Variants in TNR observed in about 807,000 individuals in gnomAD.
TNR encodes tenascin R.
TNR carries 45 observed loss-of-function variants against 150.4 expected under a neutral mutation model. The observed-to-expected ratio is 0.30, with a 90% confidence interval of 0.24 to 0.38. The LOEUF (loss-of-function observed/expected upper bound fraction) is 0.38, where lower values mean the gene tolerates loss of function less well. TNR is among the 10% of genes least tolerant of loss of function. The pLI, the probability that TNR is intolerant of heterozygous loss-of-function variation, is 1.00. For missense variants in TNR, 1,544 were observed against 1,759.1 expected (o/e 0.88, Z 2.19); for synonymous variants, 687 against 678.4 (o/e 1.01, Z -0.20).
intron 1 of TNR, among the ~76,000 whole-genome samples, chr1:175,591,331 A>G (rs1364428383): frequency 1.3e-5 from 2 of 152,280 alleles, no homozygotes; most frequent in East Asian, 1.9e-4. Flanking sequence ...GGTATAAATA[A>G]CAGCAGAAAT....
At chr1:175,405,868 C>A (rs568855583) in intron 3 of TNR, among the ~76,000 whole-genome samples, 1 of 152,290 alleles carries the variant, frequency 6.6e-6, no homozygotes, top group African/African-American at 2.4e-5. Flanking sequence ...TGAAAGAAGA[C>A]AGACATCAAA....
intron 1 of TNR, among the ~76,000 whole-genome samples, chr1:175,732,042 G>A (rs1667656076): frequency 6.6e-6 from 1 of 152,158 alleles, no homozygotes; most frequent in Non-Finnish European, 1.5e-5. Context: ...TGCCTGGGCT[G>A]CCCCTGCATT....
intron 1 of TNR, among the ~76,000 whole-genome samples, chr1:175,652,204 T>C (rs1665022503): frequency 6.7e-6 from 1 of 148,584 alleles, no homozygotes; most frequent in Non-Finnish European, 1.5e-5. Context: ...TATTATATTA[T>C]TCTCTCAAAT....
intron 1 of TNR, among the ~76,000 whole-genome samples, chr1:175,693,454 C>T (rs1009964363): frequency 3.9e-5 from 6 of 152,222 alleles, no homozygotes; most frequent in Non-Finnish European, 8.8e-5. Flanking sequence ...CCTAGAGCCC[C>T]GTCTCCATTG....
intron 2 of TNR, among the ~76,000 whole-genome samples, chr1:175,469,255 G>T (rs182202596): frequency 6.6e-6 from 1 of 152,250 alleles, no homozygotes; most frequent in East Asian, 1.9e-4. Context: ...CCCAGCCTCT[G>T]CCTTGAAGAA....
At position 175,685,330 on chromosome 1, in the gene TNR, C is replaced by T. The variant is rs139029327; in HGVS notation, c.-165+57896G>A. 3.6e-4 allele frequency among the ~76,000 whole-genome samples: 55 copies of T among 152,314 alleles called. No individual in the cohort carries two copies. In the East Asian group the frequency reaches 9.8e-3, roughly 27 times the overall value. On this transcript the variant is annotated intron_variant, in intron 1 of 22. Transcript: ENST00000367674. Reference sequence around the variant, plus strand: ...CAATAACTGACCTGTGACCTTTCTCCACCATGATTTGCTTCTCCAGCTAAC... The same window carrying T: ...CAATAACTGACCTGTGACCTTTCTCTACCATGATTTGCTTCTCCAGCTAAC...
chr1:175,354,441 G>A lies in TNR; in HGVS notation c.3332C>T (p.Ala1111Val). The part of the protein sequence containing the change: ...ENTDYTVLLQ[A>V]AQDTTWSSIT... The stretch of plus-strand genomic sequence containing the variant: ...GCTGCTCCACGTGGTGTCCTGTGCT[G>A]CCTGCAGGAGCACCGTGTAGTCTGT... The change falls in exon 18 of 23, where the codon GCA becomes GTA. Residue 1111 changes from alanine (A) to valine (V), a missense_variant. Ala to Val is a moderately conservative substitution (Grantham distance 64, BLOSUM62 0). Coordinates refer to ENST00000367674, the MANE Select transcript of TNR (RefSeq NM_003285.3). 6.2e-7 allele frequency: 1 copy of A among 1,614,074 alleles called. No homozygotes were observed. The highest frequency in any genetic ancestry group is 1.1e-5 in the South Asian group (1 of 91,076).
At chr1:175,351,585 A>G (rs1462719049) in intron 18 of TNR, among the ~76,000 whole-genome samples, 2 of 152,188 alleles carry the variant, frequency 1.3e-5, no homozygotes, top group African/African-American at 2.4e-5. Flanking sequence ...ACCAGTGTCT[A>G]TTATGTCTGG....
intron 2 of TNR, among the ~76,000 whole-genome samples, chr1:175,501,677 C>T (rs184282945): frequency 4.5e-4 from 69 of 152,232 alleles, no homozygotes; most frequent in African/African-American, 1.6e-3. Flanking sequence ...TATTTCTTGC[C>T]TCCTTCCTTC....
chr1:175,543,548 G>T (rs911048975), intron 1 of TNR, among the ~76,000 whole-genome samples: 1 of 152,172 alleles, frequency 6.6e-6, no homozygotes, highest in African/African-American at 2.4e-5. Context: ...ACACAAACTG[G>T]AGTACATCAT....
chr1:175,438,764 C>T (rs1003433461), intron 2 of TNR, among the ~76,000 whole-genome samples: 7 of 152,102 alleles, frequency 4.6e-5, no homozygotes, highest in Admixed American at 4.6e-4. Flanking sequence ...TGAGTGAACT[C>T]CCATTCACAA....
chr1:175,652,083 A>G (rs532671512), intron 1 of TNR, among the ~76,000 whole-genome samples: 2 of 148,802 alleles, frequency 1.3e-5, no homozygotes, highest in East Asian at 3.9e-4. Flanking sequence ...AAAAATCTGT[A>G]GGAAATCTCA....
At chr1:175,668,545 T>C (rs1665598041) in intron 1 of TNR, among the ~76,000 whole-genome samples, 1 of 152,126 alleles carries the variant, frequency 6.6e-6, no homozygotes, top group Non-Finnish European at 1.5e-5. Flanking sequence ...ACGATGCAAG[T>C]GCCCTGAGAC....
chr1:175,406,401 G>A lies in TNR; in HGVS notation c.314C>T (p.Thr105Ile). ...GGTGACCTGGCTCTCGTGGTCTGAG[G>A]TCTGGCCCATGTACTCTGCCAGAGT... ...DETLAEYMGQ[T>I]SDHESQVTFT... The change falls in exon 3 of 23, where the codon ACC becomes ATC. Residue 105 changes from threonine to isoleucine, a missense_variant. Physicochemically the swap from Thr to Ile is moderately conservative, Grantham distance 89 (BLOSUM62 -1). Around this residue, in one of 2 missense-constraint regions of TNR, gnomAD observed 1,254 missense variants for 1,329.4 expected, o/e 0.94. Transcript: ENST00000367674. The A allele has an allele frequency of 6.2e-7, 1 of 1,614,118 alleles. No individual in the cohort carries two copies. Among genetic ancestry groups the A allele is most frequent in the Non-Finnish European group, 8.5e-7 (1 of 1,180,028 alleles).
At chr1:175,595,176 T>A (rs7540636) in intron 1 of TNR, among the ~76,000 whole-genome samples, 24,195 of 151,502 alleles carry the variant, frequency 0.16, 2,874 homozygotes, top group African/African-American at 0.33. Context: ...CAAAAAAAAA[T>A]TATTTTAGGA....
At chr1:175,509,713 TAGTCTG>T (rs1195180149) in intron 2 of TNR, among the ~76,000 whole-genome samples, 1 of 152,250 alleles carries the variant, frequency 6.6e-6, no homozygotes, top group African/African-American at 2.4e-5. Context: ...TAAGAATTCA[TAGTCTG>T]ATGTTAGCTT....
chr1:175,390,394 C>T (rs922659538), intron 7 of TNR, among the ~76,000 whole-genome samples: 16 of 152,242 alleles, frequency 1.1e-4, no homozygotes, highest in Admixed American at 1.0e-3. Flanking sequence ...GAGAAAGTTG[C>T]TTAGCCTCTG....
chr1:175,472,126 A>G (rs1657317096), intron 2 of TNR, among the ~76,000 whole-genome samples: 1 of 152,176 alleles, frequency 6.6e-6, no homozygotes. Context: ...TGATGGAGCA[A>G]GACCCTGTCT....
intron 1 of TNR, among the ~76,000 whole-genome samples, chr1:175,729,152 T>C (rs1667558845): frequency 6.6e-6 from 1 of 151,944 alleles, no homozygotes; most frequent in Non-Finnish European, 1.5e-5. Flanking sequence ...CCTTGACGAG[T>C]TTTTTCCTTC....
Sources: allele counts gnomAD v4.1 joint callset (sites outside exome capture counted in the v4.1 genomes callset), GRCh38; gene constraint gnomAD v4.1.1; regional missense constraint gnomAD v4.1.1; transcripts MANE v1.5; gene names NCBI Gene and HGNC (gene_info 2026-07-23, HGNC 2026-07-21).